The following KCNH7 variants were observed in gnomAD, a reference collection of about 807,000 sequenced individuals.
KCNH7 encodes voltage-gated inwardly rectifying potassium channel KCNH7.
Under a neutral mutation model 120.8 loss-of-function variants are expected in KCNH7, and 49 were observed. The ratio of observed to expected loss-of-function variants is 0.41; its 90% CI spans 0.32 to 0.51. The LOEUF is 0.51. Among genes scored for constraint, KCNH7 ranks in the 20% least tolerant of loss-of-function variants. The probability of loss-of-function intolerance (pLI) is 0.38; values close to 1 mark genes in which losing one functional copy is unlikely to be tolerated. For missense variants in KCNH7, 1,097 were observed against 1,446.6 expected, an observed-to-expected ratio of 0.76 and a Z score of 3.92; for synonymous variants, 547 against 516.1, an observed-to-expected ratio of 1.06 and a Z score of -0.81.
At chr2:162,823,761 ACCAT>A in intron 2 of KCNH7, among the ~76,000 whole-genome samples, 1 of 152,264 alleles carries the variant, frequency 6.6e-6, no homozygotes, top group East Asian at 1.9e-4. Context: ...CAGGAATTTC[ACCAT>A]CCAACTAAAG....
At chr2:162,669,458 A>G (rs972646898) in intron 2 of KCNH7, among the ~76,000 whole-genome samples, 2 of 152,242 alleles carry the variant, frequency 1.3e-5, no homozygotes, top group African/African-American at 4.8e-5. Context: ...ACAACTCTCA[A>G]CATAGAATTA....
In KCNH7 at chr2:162,553,817, A is replaced by C. The variant is rs945088369; in HGVS notation, c.308-16737T>G. ...AGACATCAGGAAATACATAAGTAAC[A>C]GACAAGGTCCCCACATGAGCAACTA... is the stretch of plus-strand genomic sequence containing the variant. On this transcript the variant is annotated intron_variant, in intron 2 of 15. Transcript: ENST00000332142. Among the ~76,000 whole-genome samples the C allele has an allele frequency of 3.9e-5, 6 of 152,234 alleles. No individual in the cohort carries two copies. In the East Asian group the frequency reaches 1.2e-3, roughly 29 times the overall value.
At chr2:162,739,258 T>C (rs934692565) in intron 2 of KCNH7, among the ~76,000 whole-genome samples, 1 of 152,138 alleles carries the variant, frequency 6.6e-6, no homozygotes, top group Admixed American at 6.6e-5. Flanking sequence ...ACCCTAGTCT[T>C]GAGGGCTAGG....
intron 6 of KCNH7, among the ~76,000 whole-genome samples, chr2:162,499,921 A>G (rs1021587115): frequency 4.0e-5 from 6 of 151,884 alleles, no homozygotes; most frequent in South Asian, 2.1e-4. Flanking sequence ...CACTATCCCA[A>G]ACTCCCAATG....
chr2:162,619,770 G>A lies in KCNH7; in HGVS notation c.308-82690C>T, dbSNP rs117931950. Among the ~76,000 whole-genome samples, 75 of 152,078 alleles carry A rather than the reference G, an allele frequency of 4.9e-4. 1 individual carries two copies. The East Asian group carries it at 0.013, about 27-fold the overall frequency. ...GCAGGTTGCTCCATAGTGATTAAACGCATCTTCTTCTACAAGACCTTGCTC... is the reference window on the plus strand; with the variant it reads ...GCAGGTTGCTCCATAGTGATTAAACACATCTTCTTCTACAAGACCTTGCTC... On this transcript the variant is annotated intron_variant, in intron 2 of 15. Transcript: ENST00000332142.
intron 2 of KCNH7, among the ~76,000 whole-genome samples, chr2:162,694,050 T>C (rs1422353575): frequency 1.3e-5 from 2 of 152,192 alleles, no homozygotes; most frequent in Non-Finnish European, 1.5e-5. Flanking sequence ...TATACCAGTA[T>C]AAATATAGCT....
chr2:162,372,773 G>A (rs1043411694), intron 15 of KCNH7, among the ~76,000 whole-genome samples: 4 of 152,076 alleles, frequency 2.6e-5, no homozygotes, highest in Non-Finnish European at 5.9e-5. Flanking sequence ...TCACCATAAT[G>A]TTTAACTAAT....
In KCNH7 at chr2:162,603,177, A is replaced by G. The variant is rs562977466; in HGVS notation, c.308-66097T>C. Among the ~76,000 whole-genome samples, 276 of 152,192 alleles carry G rather than the reference A, an allele frequency of 1.8e-3. 1 individual carries two copies. The highest frequency in any genetic ancestry group is 3.2e-3 in the Non-Finnish European group (217 of 67,982). On this transcript the variant is annotated intron_variant, in intron 2 of 15. Coordinates refer to ENST00000332142, the MANE Select transcript of KCNH7 (RefSeq NM_033272.4). ...ATCCTGAGTTCTAGGACTCAAAAAT[A>G]TAAATAAAGTGAACTATAGATATTG...
intron 3 of KCNH7, among the ~76,000 whole-genome samples, chr2:162,533,581 G>A (rs1692007265): frequency 2.0e-5 from 3 of 151,634 alleles, no homozygotes; most frequent in Non-Finnish European, 3.0e-5. Flanking sequence ...GAGATACTTT[G>A]TAATGCTAAA....
intron 1 of KCNH7, among the ~76,000 whole-genome samples, chr2:162,837,685 A>G (rs991879885): frequency 2.0e-5 from 3 of 152,216 alleles, no homozygotes; most frequent in Non-Finnish European, 4.4e-5. Flanking sequence ...TTAAATTAAT[A>G]TATTTATATA....
intron 6 of KCNH7, among the ~76,000 whole-genome samples, chr2:162,484,910 A>G (rs1007346165): frequency 2.0e-5 from 3 of 152,166 alleles, no homozygotes; most frequent in African/African-American, 7.2e-5. Flanking sequence ...CACCAGATGC[A>G]GATGCCCAAT....
At chr2:162,696,487 G>C (rs1330296121) in intron 2 of KCNH7, among the ~76,000 whole-genome samples, 2 of 152,138 alleles carry the variant, frequency 1.3e-5, no homozygotes, top group African/African-American at 4.8e-5. Flanking sequence ...CTGGAGTCCT[G>C]ATATGAATTG....
At chr2:162,731,193 T>C (rs1462007984) in intron 2 of KCNH7, among the ~76,000 whole-genome samples, 2 of 149,470 alleles carry the variant, frequency 1.3e-5, no homozygotes, top group Non-Finnish European at 3.0e-5. Flanking sequence ...TTTTGACTCT[T>C]AAAGGATTCA....
At chr2:162,768,984 T>C (rs1487806151) in intron 2 of KCNH7, 1 of 152,216 alleles carries the variant, frequency 6.6e-6, no homozygotes, top group Non-Finnish European at 1.5e-5. Flanking sequence ...AGGGATATTA[T>C]GGAGGTAACA....
chr2:162,486,548 C>G (rs1322586933), intron 6 of KCNH7, among the ~76,000 whole-genome samples: 1 of 152,054 alleles, frequency 6.6e-6, no homozygotes, highest in African/African-American at 2.4e-5. Context: ...AAAAAGAAAC[C>G]TATGTGAGCT....
At chr2:162,578,736 T>C (rs1021069745) in intron 2 of KCNH7, among the ~76,000 whole-genome samples, 1 of 152,060 alleles carries the variant, frequency 6.6e-6, no homozygotes, top group Non-Finnish European at 1.5e-5. Context: ...CATTTACAAA[T>C]GCAAAGGAGA....
intron 2 of KCNH7, among the ~76,000 whole-genome samples, chr2:162,593,206 C>T (rs141384276): frequency 4.6e-5 from 7 of 151,982 alleles, no homozygotes; most frequent in African/African-American, 1.7e-4. Flanking sequence ...CTGAATATGG[C>T]CCATGGGCCT....
rs540008057 is a variant in KCNH7, at chr2:162,705,295, C to T, written c.307+131242G>A. On this transcript the variant is annotated intron_variant, in intron 2 of 15. Coordinates refer to ENST00000332142, the MANE Select transcript of KCNH7 (RefSeq NM_033272.4). Reference sequence around the variant, plus strand: ...AGAAACTAGAGATACTATCTGTTCACGTGAAAGCAGGTATGGAATGGTATA... The same window carrying T: ...AGAAACTAGAGATACTATCTGTTCATGTGAAAGCAGGTATGGAATGGTATA... Among the ~76,000 whole-genome samples the T allele has an allele frequency of 1.2e-4, 18 of 152,046 alleles. No homozygotes were observed. The East Asian group carries it at 2.7e-3, about 23-fold the overall frequency.
At chr2:162,391,318 G>A (rs987586912) in intron 12 of KCNH7, among the ~76,000 whole-genome samples, 5 of 152,072 alleles carry the variant, frequency 3.3e-5, no homozygotes, top group South Asian at 2.1e-4. Flanking sequence ...ATATATTGAC[G>A]CTACATCAAG....
Sources: allele counts gnomAD v4.1 joint callset (sites outside exome capture counted in the v4.1 genomes callset), GRCh38; gene constraint gnomAD v4.1.1; transcripts MANE v1.5; gene names NCBI Gene and HGNC (gene_info 2026-07-23, HGNC 2026-07-21).